CALN1: variants seen among roughly 807,000 people sequenced by gnomAD.
CALN1 encodes calneuron 1.
CALN1 carries 17 observed loss-of-function variants against 30.6 expected under a neutral mutation model. The observed-to-expected ratio is 0.56, with a 90% CI of 0.38 to 0.83. The LOEUF (loss-of-function observed/expected upper bound fraction) is 0.83. Ranked by LOEUF, CALN1 falls within the 40% of genes least tolerant of loss-of-function variation. CALN1 has a pLI of 0.00. For synonymous variants in CALN1, 156 were observed against 131.4 expected (o/e 1.19, Z -1.28); for missense variants, 291 against 354.9 (o/e 0.82, Z 1.45).
intron 5 of CALN1, among the ~76,000 whole-genome samples, chr7:71,859,120 C>T (rs566523790): frequency 2.9e-4 from 44 of 152,022 alleles, no homozygotes; most frequent in Non-Finnish European, 4.4e-4. Context: ...TGGAGTGCAG[C>T]GGCATGATCT....
chr7:72,415,215 A>G (rs1807384554), upstream of CALN1, among the ~76,000 whole-genome samples: 1 of 152,240 alleles, frequency 6.6e-6, no homozygotes, highest in Non-Finnish European at 1.5e-5. Flanking sequence ...GCCTGAGCAG[A>G]CTACTACAAG....
intron 2 of CALN1, among the ~76,000 whole-genome samples, chr7:72,288,924 T>C (rs1269231571): frequency 6.6e-6 from 1 of 152,232 alleles, no homozygotes; most frequent in Non-Finnish European, 1.5e-5. Flanking sequence ...CTGCTCATCA[T>C]TGGTTCTTGC....
At chr7:72,161,754 G>C (rs1033114037) in intron 3 of CALN1, among the ~76,000 whole-genome samples, 1 of 151,948 alleles carries the variant, frequency 6.6e-6, no homozygotes, top group African/African-American at 2.4e-5. Flanking sequence ...CAACACACAC[G>C]GGGGCCTGTA....
At chr7:71,939,754 G>C (rs1562920726) in intron 5 of CALN1, among the ~76,000 whole-genome samples, 1 of 152,080 alleles carries the variant, frequency 6.6e-6, no homozygotes, top group Non-Finnish European at 1.5e-5. Context: ...AACTAAGACA[G>C]ACCCTAACAT....
At chr7:72,428,366 G>A (rs1807862692) in intron 1 of CALN1, among the ~76,000 whole-genome samples, 1 of 151,292 alleles carries the variant, frequency 6.6e-6, no homozygotes, top group African/African-American at 2.4e-5. Context: ...GGCACAGATT[G>A]ATTTTTTTTT....
chr7:72,149,812 C>T (rs769847979), intron 3 of CALN1, among the ~76,000 whole-genome samples: 1 of 152,082 alleles, frequency 6.6e-6, no homozygotes, highest in East Asian at 1.9e-4. Flanking sequence ...ACAGGCACTG[C>T]TATAGGAGTT....
chr7:72,334,743 A>C (rs1326524245), intron 2 of CALN1, among the ~76,000 whole-genome samples: 1 of 152,208 alleles, frequency 6.6e-6, no homozygotes, highest in African/African-American at 2.4e-5. Context: ...TCCTCCAATA[A>C]AATATCGTGA....
intron 5 of CALN1, among the ~76,000 whole-genome samples, chr7:71,992,539 G>A (rs905398518): frequency 6.6e-6 from 1 of 152,048 alleles, no homozygotes; most frequent in Non-Finnish European, 1.5e-5. Flanking sequence ...AATTTTTCTT[G>A]CAGAGATGGG....
chr7:72,163,279 A>C (rs1412357360), intron 3 of CALN1, among the ~76,000 whole-genome samples: 1 of 152,132 alleles, frequency 6.6e-6, no homozygotes, highest in Non-Finnish European at 1.5e-5. Context: ...AGGTGTTTGG[A>C]CAATAACTGC....
At chr7:71,818,677 TTTATTTA>T (rs1788406889) in intron 5 of CALN1, among the ~76,000 whole-genome samples, 139 of 4,190 alleles carry the variant, frequency 0.033, no homozygotes, top group African/African-American at 0.065. Context: ...GCTTATTTTA[TTTATTTA>T]TTTATTTATT....
At chr7:72,284,732 T>G (rs1797967084) in intron 2 of CALN1, among the ~76,000 whole-genome samples, 1 of 152,188 alleles carries the variant, frequency 6.6e-6, no homozygotes. Context: ...TTCAGCTTGC[T>G]GACAGCAGAC....
At chr7:72,501,609 G>C in the CALN1 span, among the ~76,000 whole-genome samples, 3 of 150,706 alleles carry the variant, frequency 2.0e-5, no homozygotes, top group South Asian at 6.3e-4. Context: ...GTTATGAATT[G>C]AATGGATTAT....
At chr7:72,162,633 G>C (rs1253354272) in intron 3 of CALN1, among the ~76,000 whole-genome samples, 1 of 152,048 alleles carries the variant, frequency 6.6e-6, no homozygotes, top group Non-Finnish European at 1.5e-5. Flanking sequence ...TAGCTACTCA[G>C]GAGGCCGAGG....
chr7:72,319,444 A>G (rs2129557150), intron 2 of CALN1, among the ~76,000 whole-genome samples: 1 of 152,308 alleles, frequency 6.6e-6, no homozygotes, highest in African/African-American at 2.4e-5. Context: ...CAGCATGGAA[A>G]AGATTCAATT....
intron 5 of CALN1, among the ~76,000 whole-genome samples, chr7:71,819,333 T>A (rs1438164549): frequency 6.6e-6 from 1 of 151,974 alleles, no homozygotes; most frequent in Non-Finnish European, 1.5e-5. Context: ...CTCAGCCTCC[T>A]GAGTAGCTGA....
At chr7:72,404,631 G>A (rs190428806) in intron 1 of CALN1, among the ~76,000 whole-genome samples, 3 of 152,264 alleles carry the variant, frequency 2.0e-5, no homozygotes, top group African/African-American at 4.8e-5. Context: ...CTTGGCCCCT[G>A]AACATTGTAT....
At chr7:72,363,614 T>C (rs557561371) in intron 2 of CALN1, among the ~76,000 whole-genome samples, 17 of 151,940 alleles carry the variant, frequency 1.1e-4, no homozygotes, top group Non-Finnish European at 1.6e-4. Context: ...TTATACTTAA[T>C]AGACACAAAA....
intron 3 of CALN1, among the ~76,000 whole-genome samples, chr7:72,245,572 T>C (rs13246484): frequency 0.36 from 54,155 of 151,254 alleles, 10,637 homozygotes; most frequent in Middle Eastern, 0.55. Context: ...GAGCCGAGAT[T>C]GCACCACTGC....
At chr7:72,186,385 G>T (rs1053308919) in intron 3 of CALN1, among the ~76,000 whole-genome samples, 1 of 152,164 alleles carries the variant, frequency 6.6e-6, no homozygotes, top group East Asian at 1.9e-4. Context: ...AGTGGAAGTG[G>T]CAAAGCAAAC....
Sources: allele counts gnomAD v4.1 joint callset (sites outside exome capture counted in the v4.1 genomes callset), GRCh38; gene constraint gnomAD v4.1.1; transcripts MANE v1.5; gene names NCBI Gene and HGNC (gene_info 2026-07-23, HGNC 2026-07-21).